Variants in PCDHA5 observed in about 807,000 individuals in gnomAD.
PCDHA5 encodes protocadherin alpha 5, also known as protocadherin alpha-5.
Under a neutral mutation model 61.6 loss-of-function variants are expected in PCDHA5, and 43 were observed. That is an observed-to-expected ratio of 0.70 (90% CI 0.55 to 0.90). PCDHA5 has a LOEUF of 0.90. PCDHA5 is among the 40% of genes least tolerant of loss of function. PCDHA5 has a pLI of 0.00. For missense variants in PCDHA5, 1,298 were observed against 1,222.7 expected (o/e 1.06, Z -0.92); for synonymous variants, 627 against 543.9 (o/e 1.15, Z -2.13).
chr5:140,981,673 C>T (rs1184909774), intron 2 of PCDHA5, among the ~76,000 whole-genome samples: 1 of 152,108 alleles, frequency 6.6e-6, no homozygotes, highest in African/African-American at 2.4e-5. Flanking sequence ...TTCCTTTCTT[C>T]CTTCCTCCCT....
At position 140,934,119 on chromosome 5, in the gene PCDHA5, C is replaced by A. The variant is rs1339301991; in HGVS notation, c.2353-44830C>A. Among the ~76,000 whole-genome samples, 6 of 152,170 alleles carry A rather than the reference C, an allele frequency of 3.9e-5. No individual in the cohort carries two copies. In the East Asian group the frequency reaches 1.2e-3, roughly 29 times the overall value. ...GCTTTCTATTTTATTAATTTTCATA[C>A]TTTATTAATTTATTTCCTTCCTTAT... On this transcript the variant is annotated intron_variant, in intron 1 of 3. Transcript: ENST00000529859.
chr5:140,968,063 G>A, intron 1 of PCDHA5: 1 of 1,614,096 alleles, frequency 6.2e-7, no homozygotes. Flanking sequence ...AGAGCGGGTG[G>A]CTGTCTACAA....
chr5:140,836,417 G>T, intron 1 of PCDHA5: 2 of 1,613,822 alleles, frequency 1.2e-6, no homozygotes, highest in Non-Finnish European at 1.7e-6. Flanking sequence ...CACCAAAGGC[G>T]TCGTCGCGGG....
chr5:140,849,445 A>G, intron 1 of PCDHA5: 1 of 1,585,774 alleles, frequency 6.3e-7, no homozygotes, highest in South Asian at 1.1e-5. Flanking sequence ...AGAGCACACA[A>G]GATCCCAGTC....
intron 1 of PCDHA5, chr5:140,858,898 G>A (rs1260279768): frequency 4.9e-6 from 1 of 204,806 alleles, no homozygotes; most frequent in East Asian, 1.4e-4. Context: ...AATATGTGTA[G>A]CGTACCACAG....
At chr5:140,912,494 A>T (rs536513157) in intron 1 of PCDHA5, among the ~76,000 whole-genome samples, 1 of 152,190 alleles carries the variant, frequency 6.6e-6, no homozygotes, top group South Asian at 2.1e-4. Context: ...CAGATCTAGG[A>T]GCTTTTTGGA....
intron 1 of PCDHA5, among the ~76,000 whole-genome samples, chr5:140,905,700 A>G (rs926526227): frequency 3.9e-5 from 6 of 152,136 alleles, no homozygotes; most frequent in Non-Finnish European, 5.9e-5. Context: ...TGTGTCATTT[A>G]TGATTTCCTT....
intron 2 of PCDHA5, among the ~76,000 whole-genome samples, chr5:140,980,777 A>C (rs2096905451): frequency 6.6e-6 from 1 of 152,244 alleles, no homozygotes; most frequent in Non-Finnish European, 1.5e-5. Flanking sequence ...ATTGAAATTA[A>C]AATGCCATTT....
intron 1 of PCDHA5, among the ~76,000 whole-genome samples, chr5:140,872,594 T>A (rs1554166277): frequency 1.3e-5 from 2 of 152,130 alleles, no homozygotes; most frequent in African/African-American, 2.4e-5. Context: ...GAGACCCCCA[T>A]CTGAAAAAAT....
intron 1 of PCDHA5, chr5:140,858,164 T>C: frequency 6.3e-7 from 1 of 1,597,740 alleles, no homozygotes; most frequent in Non-Finnish European, 8.6e-7. Context: ...CTGCGCGGTG[T>C]CCAGCTTGCT....
chr5:141,002,039 C>G (rs1198304632), intron 3 of PCDHA5, among the ~76,000 whole-genome samples: 1 of 152,216 alleles, frequency 6.6e-6, no homozygotes, highest in Non-Finnish European at 1.5e-5. Flanking sequence ...TGACTCTTTC[C>G]TGGGCATCCA....
At position 140,848,861 on chromosome 5, in the gene PCDHA5, G is replaced by A. The variant is rs2150423051; in HGVS notation, c.2352+24734G>A. 3.1e-4 allele frequency: 495 copies of A among 1,590,730 alleles called. 45 individuals carry two copies. The highest frequency in any genetic ancestry group is 4.3e-4 in the Admixed American group (25 of 58,818). Reference sequence around the variant, plus strand: ...TGCAGGTTTTCCATGTGGACGTGGAGGTGAAGGACATTAACGACAACCCTC... The same window carrying A: ...TGCAGGTTTTCCATGTGGACGTGGAAGTGAAGGACATTAACGACAACCCTC... On this transcript the variant is annotated intron_variant, in intron 1 of 3. Coordinates refer to ENST00000529859, the MANE Select transcript of PCDHA5 (RefSeq NM_018908.3).
At position 140,915,626 on chromosome 5, in the gene PCDHA5, G is replaced by GTCTCTCTCTCTC. The variant is rs57920489; in HGVS notation, c.2353-63304_2353-63293dup. 2.6e-4 allele frequency among the ~76,000 whole-genome samples: 38 copies of GTCTCTCTCTCTC among 146,532 alleles called. No individual in the cohort carries two copies. In the Middle Eastern group the frequency reaches 0.011, roughly 41 times the overall value. Reference sequence around the variant, plus strand: ...ACTTTCTGTCAAACAGTCTCTTTCTGTCTCTCTCTCTCTCTCTCTCTCTCT... The same window carrying GTCTCTCTCTCTC: ...ACTTTCTGTCAAACAGTCTCTTTCTGTCTCTCTCTCTCTCTCTCTCTCTCTCTCTCTCTCTCT... On this transcript the variant is annotated intron_variant, in intron 1 of 3. Coordinates refer to ENST00000529859, the MANE Select transcript of PCDHA5 (RefSeq NM_018908.3).
Position 140,927,871 on chromosome 5 carries a change from C to T in PCDHA5, c.2353-51078C>T, listed in dbSNP as rs376396178. The T allele has an allele frequency of 5.6e-6, 9 of 1,614,048 alleles. No individual in the cohort carries two copies. In the African/African-American group the frequency reaches 1.2e-4, roughly 22 times the overall value. ...TGGTTTAGCTAGCACCGCTAAACTG[C>T]TGGTGGAGGTGACTGACGTGAACGA... On this transcript the variant is annotated intron_variant, in intron 1 of 3. Coordinates refer to ENST00000529859, the MANE Select transcript of PCDHA5 (RefSeq NM_018908.3).
intron 1 of PCDHA5, chr5:140,877,350 G>T (rs376513441): frequency 1.9e-6 from 3 of 1,614,014 alleles, no homozygotes; most frequent in Non-Finnish European, 2.5e-6. Flanking sequence ...ACGTGGGGCT[G>T]TACACTGGCG....
At chr5:140,882,717 C>T (rs1311295002) in intron 1 of PCDHA5, 1 of 1,614,102 alleles carries the variant, frequency 6.2e-7, no homozygotes, top group Non-Finnish European at 8.5e-7. Context: ...CCTCCGGAAA[C>T]TCGATTTCCA....
chr5:140,837,381 G>T (rs183895134), intron 1 of PCDHA5, among the ~76,000 whole-genome samples: 1 of 151,662 alleles, frequency 6.6e-6, no homozygotes, highest in Non-Finnish European at 1.5e-5. Flanking sequence ...TTTTTATTTT[G>T]TTCCTTGTTT....
chr5:140,828,324 A>G (rs2150154033), intron 1 of PCDHA5: 15 of 1,614,076 alleles, frequency 9.3e-6, no homozygotes, highest in African/African-American at 1.3e-5. Context: ...CTGGAGGTAA[A>G]TCTGCAGAAT....
Position 140,823,431 on chromosome 5 carries a change from G to A in PCDHA5, c.1656G>A (p.Val552=). The A allele has an allele frequency of 6.2e-7, 1 of 1,613,396 alleles. No individual in the cohort carries two copies. The highest frequency in any genetic ancestry group is 8.5e-7 in the Non-Finnish European group (1 of 1,179,810). ...TGGGCAGCAACGTGACGCTGCAGGT[G>A]TTCGTGCTGGACGAGAACGACAACG... ...PPLGSNVTLQ[V]FVLDENDNAP... is the part of the protein sequence containing the mutation. Residue 552 remains valine (V), a synonymous_variant, in exon 1 of 4, where the codon GTG becomes GTA. Transcript: ENST00000529859.
Sources: allele counts gnomAD v4.1 joint callset (sites outside exome capture counted in the v4.1 genomes callset), GRCh38; gene constraint gnomAD v4.1.1; transcripts MANE v1.5; gene names NCBI Gene and HGNC (gene_info 2026-07-23, HGNC 2026-07-21).